The following TIA1 variants were observed in gnomAD, a reference collection of about 807,000 sequenced individuals.
TIA1 encodes TIA1 cytotoxic granule associated RNA binding protein.
A neutral mutation model predicts 65.9 loss-of-function variants in TIA1; 23 were observed. The observed-to-expected ratio is 0.35, with a 90% CI of 0.25 to 0.49. The LOEUF is 0.49. Among genes scored for constraint, TIA1 ranks in the 20% least tolerant of loss-of-function variants. TIA1 has a pLI of 0.98. For missense variants in TIA1, 371 were observed against 477.9 expected (o/e 0.78, Z 2.09); for synonymous variants, 147 against 149.4 (o/e 0.98, Z 0.12).
chr2:70,217,263 C>CT (rs1320949707), intron 7 of TIA1: 3 of 220,422 alleles, frequency 1.4e-5, no homozygotes, highest in Non-Finnish European at 2.6e-5. Flanking sequence ...CCTCCGCCAA[C>CT]TGGGTTCAAG....
Position 70,236,164 on chromosome 2 carries a change from T to C in TIA1, c.38A>G (p.Asn13Ser). The C allele has an allele frequency of 1.2e-6, 2 of 1,607,336 alleles. No individual in the cohort carries two copies. The highest frequency in any genetic ancestry group is 1.3e-5 in the African/African-American group (1 of 74,682). The change falls in exon 2 of 13, where the codon AAC (asparagine) becomes AGC (serine). Residue 13 changes from asparagine to serine, a missense_variant. Coordinates refer to ENST00000433529, the MANE Select transcript of TIA1 (RefSeq NM_022173.4). ...AGCTTCTGTCACATCTCTGGAAAGG[T>C]TACCGACGTATCTGAAACACAAAGA... ...DEMPKTLYVG[N>S]LSRDVTEALI...
chr2:70,224,503 T>G, intron 7 of TIA1, 51 bp downstream of exon 7: 1 of 1,609,596 alleles, frequency 6.2e-7, no homozygotes, highest in South Asian at 1.1e-5. Context: ...AACGGAGTGT[T>G]TCCATTCTTT....
intron 12 of TIA1, 44 bp from the exon 13 acceptor site, chr2:70,212,889 T>C: frequency 7.5e-7 from 1 of 1,337,848 alleles, no homozygotes; most frequent in Non-Finnish European, 1.1e-6. Flanking sequence ...GGAAATCCAC[T>C]GATTAAAATA....
intron 1 of TIA1, among the ~76,000 whole-genome samples, chr2:70,241,722 T>C (rs1455020940): frequency 6.6e-6 from 1 of 152,092 alleles, no homozygotes; most frequent in African/African-American, 2.4e-5. Flanking sequence ...AGAGATTCAC[T>C]TGAGGCCAGT....
chr2:70,248,230 A>C (rs1695351605), intron 1 of TIA1, among the ~76,000 whole-genome samples, 175 bp downstream of exon 1: 1 of 152,148 alleles, frequency 6.6e-6, no homozygotes, highest in Non-Finnish European at 1.5e-5. Flanking sequence ...GTCTCCCTTC[A>C]CCTCGTCCTC....
At chr2:70,214,696 G>C (rs954181183) in intron 11 of TIA1, among the ~76,000 whole-genome samples, 1 of 151,488 alleles carries the variant, frequency 6.6e-6, no homozygotes, top group African/African-American at 2.4e-5. Context: ...TTATACTGCT[G>C]TAACTCTACG....
At position 70,229,245 on chromosome 2, in the gene TIA1, G is replaced by A. The variant is rs1159992382; in HGVS notation, c.277+19C>T. 6.2e-7 allele frequency: 1 copy of A among 1,613,010 alleles called. No homozygotes were observed. Among genetic ancestry groups the A allele is most frequent in the Non-Finnish European group, 8.5e-7 (1 of 1,179,434 alleles). ...GGTACAATAAAAACAAATGTTCAAA[G>A]AGCATAAAATATACTTACTGCTTGT... On this transcript the variant is annotated intron_variant, in intron 4 of 12. Transcript: ENST00000433529.
rs763865705 is a variant in TIA1, at chr2:70,238,260, G to GTTT, written c.27-2088_27-2086dup. On this transcript the variant is annotated intron_variant, in intron 1 of 12. Transcript: ENST00000433529. ...ACTAAGAACATTGACGTTCCCCCAA[G>GTTT]TTTTTTTTTTTTTTTTTTTTTTTTT... is the stretch of plus-strand genomic sequence containing the variant. Among the ~76,000 whole-genome samples the GTTT allele has an allele frequency of 8.5e-4, 80 of 94,616 alleles. 6 individuals carry two copies. Among genetic ancestry groups the GTTT allele is most frequent in the Middle Eastern group, 5.8e-3 (1 of 172 alleles). The allele number at this position is 94,616 out of a possible 152,430, so 62.1% of individuals were successfully genotyped here.
At chr2:70,217,071 C>G in intron 7 of TIA1, 77 bp from the exon 8 acceptor site, 1 of 1,426,632 alleles carries the variant, frequency 7.0e-7, no homozygotes, top group Non-Finnish European at 9.3e-7. Flanking sequence ...GTAGAGAAAA[C>G]TTGGTGCTTT....
rs567628915 is a variant in TIA1 at position 70,229,021 on chromosome 2, C to T, written c.310+38G>A. On this transcript the variant is annotated intron_variant, in intron 5 of 12. Transcript: ENST00000433529. ...TTCAGGTGGTTAGTGAATACCCTTTCAAGAGATTTCATTTTATGTTTAAGA... is the reference window on the plus strand; with the variant it reads ...TTCAGGTGGTTAGTGAATACCCTTTTAAGAGATTTCATTTTATGTTTAAGA... 7.9e-6 allele frequency: 12 copies of T among 1,523,892 alleles called. No homozygotes were observed. The East Asian group carries it at 2.4e-4, about 30-fold the overall frequency. 94.4% of individuals were successfully genotyped at this position (1,523,892 alleles called of 1,614,324 possible). A position where few individuals can be genotyped will look rare whatever the true frequency, so the allele number is the denominator to read the frequency against.
Position 70,215,460 on chromosome 2 carries a change from C to CA in TIA1, c.798dup (p.Val267CysfsTer4), listed in dbSNP as rs754454250. The stretch of plus-strand genomic sequence containing the variant: ...TCAATGGTAGTACCATTAACAGAAA[C>CA]AATTGCATGTGCTGCACTTTCATGG... On this transcript the variant is annotated frameshift_variant, in exon 11 of 13. Coordinates refer to ENST00000433529, the MANE Select transcript of TIA1 (RefSeq NM_022173.4). LOFTEE classifies it high-confidence loss of function. 6.2e-7 allele frequency: 1 copy of CA among 1,613,610 alleles called. No individual in the cohort carries two copies. The highest frequency in any genetic ancestry group is 8.5e-7 in the Non-Finnish European group (1 of 1,179,746).
chr2:70,230,705 T>C (rs144199249), intron 3 of TIA1, 51 bp downstream of exon 3: 54 of 1,334,622 alleles, frequency 4.0e-5, no homozygotes, highest in Middle Eastern at 1.9e-4. Context: ...AAATCATATA[T>C]AACTTAAATT....
chr2:70,217,078 C>T, intron 7 of TIA1, 84 bp from the exon 8 acceptor site: 2 of 1,385,834 alleles, frequency 1.4e-6, no homozygotes, highest in South Asian at 1.8e-5. Flanking sequence ...AAACTTGGTG[C>T]TTTTCACAAA....
intron 2 of TIA1, among the ~76,000 whole-genome samples, chr2:70,233,813 A>C (rs1423024108): frequency 6.6e-6 from 1 of 152,206 alleles, no homozygotes; most frequent in Admixed American, 6.5e-5. Flanking sequence ...AAATAAATGA[A>C]AAAGAATATG....
chr2:70,237,049 CTT>C (rs1404897583), intron 1 of TIA1, among the ~76,000 whole-genome samples: 2 of 152,146 alleles, frequency 1.3e-5, no homozygotes, highest in Admixed American at 6.5e-5. Flanking sequence ...TTGGGAGTAA[CTT>C]TTAAAAGTTT....
intron 1 of TIA1, among the ~76,000 whole-genome samples, chr2:70,244,194 T>C (rs1054101378): frequency 6.6e-6 from 1 of 152,164 alleles, no homozygotes; most frequent in Non-Finnish European, 1.5e-5. Flanking sequence ...GATAGAAGCA[T>C]GGCTCTCCCT....
intron 3 of TIA1, 146 bp from the exon 4 acceptor site, chr2:70,229,464 T>G: frequency 1.5e-6 from 1 of 650,158 alleles, no homozygotes; most frequent in South Asian, 2.0e-5. Context: ...CACTTAATCT[T>G]CTGACCTACA....
intron 7 of TIA1, chr2:70,224,280 G>T: frequency 2.5e-6 from 1 of 399,432 alleles, no homozygotes; most frequent in Non-Finnish European, 4.6e-6. Flanking sequence ...GGGAGATAAT[G>T]AATTAAATCC....
At chr2:70,242,327 T>C (rs1180185717) in intron 1 of TIA1, among the ~76,000 whole-genome samples, 3 of 150,886 alleles carry the variant, frequency 2.0e-5, no homozygotes, top group Non-Finnish European at 4.4e-5. Flanking sequence ...AGCTCAGGAG[T>C]TCGAGATCAG....
Sources: gnomAD v4.1 joint callset for allele counts (sites outside exome capture counted in the v4.1 genomes callset) on GRCh38, gnomAD v4.1.1 for gene constraint, MANE v1.5 for transcripts, NCBI Gene and HGNC (gene_info 2026-07-23, HGNC 2026-07-21) for gene names.